Variants in HACE1 observed in about 807,000 individuals in gnomAD.
HACE1 encodes E3 ubiquitin-protein ligase HACE1.
HACE1 carries 73 observed loss-of-function variants against 118.4 expected under a neutral mutation model. That is an observed-to-expected ratio of 0.62 (90% CI 0.51 to 0.75). The LOEUF is 0.75. HACE1 is among the 30% of genes least tolerant of loss of function. The probability of loss-of-function intolerance (pLI) is 0.00; values close to 1 mark genes in which losing one functional copy is unlikely to be tolerated. For missense variants in HACE1, 749 were observed against 1,102.2 expected, an observed-to-expected ratio of 0.68 and a Z score of 4.54; for synonymous variants, 368 against 374.8, an observed-to-expected ratio of 0.98 and a Z score of 0.21.
At chr6:104,735,290 G>A (rs181917461) in intron 22 of HACE1, among the ~76,000 whole-genome samples, 226 of 151,914 alleles carry the variant, frequency 1.5e-3, no homozygotes, top group African/African-American at 5.1e-3. Flanking sequence ...ATAAAGATAG[G>A]TAATTCATAC....
chr6:104,833,239 A>C, intron 5 of HACE1, 66 bp from the exon 6 acceptor site: 1 of 1,419,764 alleles, frequency 7.0e-7, no homozygotes, highest in Non-Finnish European at 1.0e-6. Flanking sequence ...GCAGATAAAT[A>C]ATGTTATTTC....
intron 6 of HACE1, among the ~76,000 whole-genome samples, chr6:104,819,168 A>G (rs929301533): frequency 3.3e-5 from 5 of 152,268 alleles, no homozygotes. Context: ...AAGCTTCTTA[A>G]GCCAATTAAC....
chr6:104,818,218 C>T (rs889095994), intron 6 of HACE1, among the ~76,000 whole-genome samples: 3 of 152,030 alleles, frequency 2.0e-5, no homozygotes, highest in African/African-American at 4.8e-5. Context: ...CTATAGCTTT[C>T]AAATATAAGA....
At chr6:104,740,345 C>T (rs1225073236) in intron 22 of HACE1, among the ~76,000 whole-genome samples, 2 of 150,630 alleles carry the variant, frequency 1.3e-5, no homozygotes, top group Non-Finnish European at 3.0e-5. Context: ...AATAGAGACA[C>T]AAAAAACCCT....
At chr6:104,774,834 A>G (rs1288017927) in intron 17 of HACE1, among the ~76,000 whole-genome samples, 1 of 152,242 alleles carries the variant, frequency 6.6e-6, no homozygotes, top group African/African-American at 2.4e-5. Flanking sequence ...TCACTACAGT[A>G]AGCATCTTAA....
chr6:104,752,585 T>C (rs1250057143), intron 19 of HACE1, among the ~76,000 whole-genome samples: 1 of 152,126 alleles, frequency 6.6e-6, no homozygotes, highest in Non-Finnish European at 1.5e-5. Context: ...ATAATCTCTG[T>C]GGAAGACCTT....
intron 20 of HACE1, 54 bp downstream of exon 20, chr6:104,750,287 A>T: frequency 6.9e-7 from 1 of 1,445,798 alleles, no homozygotes; most frequent in Admixed American, 1.7e-5. Flanking sequence ...GAATTACATC[A>T]ACTAGAGTTT....
At chr6:104,795,126 C>A (rs555008155) in intron 10 of HACE1, among the ~76,000 whole-genome samples, 2 of 152,100 alleles carry the variant, frequency 1.3e-5, no homozygotes, top group African/African-American at 4.8e-5. Context: ...GATAAAACCA[C>A]AGGATCTTTT....
At position 104,733,732 on chromosome 6, in the gene HACE1, T is replaced by C. The variant is rs115612892; in HGVS notation, c.2514-3316A>G. The stretch of plus-strand genomic sequence containing the variant: ...GGCGAAGTGATGTGTGCACCTGTAA[T>C]TGGAGGCTAAGGAAGGAGAATCGCT... On this transcript the variant is annotated intron_variant, in intron 22 of 23. Transcript: ENST00000262903. Among the ~76,000 whole-genome samples, 487 of 150,220 alleles carry C rather than the reference T, an allele frequency of 3.2e-3. 7 individuals are homozygous for C. Among genetic ancestry groups the C allele is most frequent in the African/African-American group, 0.012 (474 of 40,762 alleles).
chr6:104,784,016 A>T (rs1306940320), intron 14 of HACE1, 70 bp downstream of exon 14: 2 of 808,252 alleles, frequency 2.5e-6, no homozygotes, highest in Admixed American at 3.5e-5. Context: ...TAATTATTCC[A>T]CTAAACAGTA....
In HACE1 at chr6:104,835,331, A is replaced by C. The variant is rs577159693; in HGVS notation, c.403-2158T>G. ...TTTTTTTAAAGCAAAAAGTAGGGGG[A>C]AAAAGGAACCATGAATATTCAAGAA... is the stretch of plus-strand genomic sequence containing the variant. On this transcript the variant is annotated intron_variant, in intron 5 of 23. Transcript: ENST00000262903. Among the ~76,000 whole-genome samples the C allele has an allele frequency of 1.8e-4, 28 of 152,258 alleles. 1 individual carries two copies. The highest frequency in any genetic ancestry group is 1.6e-3 in the Admixed American group (25 of 15,296).
chr6:104,849,508 T>TC (rs1426182038), intron 3 of HACE1, among the ~76,000 whole-genome samples: 1 of 150,328 alleles, frequency 6.7e-6, no homozygotes, highest in Non-Finnish European at 1.5e-5. Flanking sequence ...TGGGTAATTT[T>TC]TTTTTTTTTT....
chr6:104,830,717 T>C (rs1773769310), intron 6 of HACE1, among the ~76,000 whole-genome samples: 1 of 152,094 alleles, frequency 6.6e-6, no homozygotes, highest in African/African-American at 2.4e-5. Flanking sequence ...TGAGTTGGTT[T>C]TGTTGTTGTT....
intron 17 of HACE1, among the ~76,000 whole-genome samples, chr6:104,776,488 T>C (rs1368381882): frequency 6.6e-6 from 1 of 152,240 alleles, no homozygotes; most frequent in Non-Finnish European, 1.5e-5. Flanking sequence ...ACACTAGTCC[T>C]TGAGACAAGC....
intron 6 of HACE1, among the ~76,000 whole-genome samples, chr6:104,827,551 A>G (rs1166391725): frequency 6.6e-6 from 1 of 152,156 alleles, no homozygotes; most frequent in Admixed American, 6.5e-5. Flanking sequence ...ACTTTCTACT[A>G]TTTGTTTCAA....
chr6:104,823,340 A>C (rs1772982501), intron 6 of HACE1, among the ~76,000 whole-genome samples: 1 of 152,058 alleles, frequency 6.6e-6, no homozygotes, highest in Non-Finnish European at 1.5e-5. Context: ...AGGCTGACGC[A>C]GGAGAATCGC....
At chr6:104,800,739 C>CA (rs1770239262) in intron 7 of HACE1, among the ~76,000 whole-genome samples, 1 of 152,112 alleles carries the variant, frequency 6.6e-6, no homozygotes, top group African/African-American at 2.4e-5. Context: ...CAAAGGTAGA[C>CA]AAAACCACAA....
intron 7 of HACE1, among the ~76,000 whole-genome samples, chr6:104,803,437 T>C (rs1424254480): frequency 2.0e-5 from 3 of 152,136 alleles, no homozygotes; most frequent in Non-Finnish European, 2.9e-5. Flanking sequence ...ACCAATATCC[T>C]TGATGAACAT....
intron 19 of HACE1, among the ~76,000 whole-genome samples, chr6:104,751,138 C>T (rs1217561170): frequency 6.6e-6 from 1 of 152,170 alleles, no homozygotes; most frequent in Non-Finnish European, 1.5e-5. Context: ...ATTCCCAAAA[C>T]ACAAGCTTGT....
Sources: allele counts gnomAD v4.1 joint callset (sites outside exome capture counted in the v4.1 genomes callset), GRCh38; gene constraint gnomAD v4.1.1; transcripts MANE v1.5; gene names NCBI Gene and HGNC (gene_info 2026-07-23, HGNC 2026-07-21).